PSMG2: variants seen among roughly 807,000 people sequenced by gnomAD.
PSMG2 encodes the protein CD40 ligand-activated specific transcript 3.
In PSMG2, 21 loss-of-function variants were observed where a neutral mutation model predicts 31.5. That is an observed-to-expected ratio of 0.67 (90% CI 0.47 to 0.96). The LOEUF (loss-of-function observed/expected upper bound fraction) is 0.96. Ranked by LOEUF, PSMG2 falls within the 40% of genes least tolerant of loss-of-function variation. The pLI, the probability that PSMG2 is intolerant of heterozygous loss-of-function variation, is 0.00. For missense variants in PSMG2, 318 were observed against 321.2 expected (o/e 0.99, Z 0.08); for synonymous variants, 120 against 110.4 (o/e 1.09, Z -0.54).
chr18:12,721,220 G>A (rs2040428384), intron 5 of PSMG2, among the ~76,000 whole-genome samples: 1 of 152,102 alleles, frequency 6.6e-6, no homozygotes, highest in African/African-American at 2.4e-5. Context: ...TGGTACTATT[G>A]TAGAGCTCTT....
At chr18:12,700,869 GA>G, upstream of PSMG2, 1 of 1,071,868 alleles carries the variant, frequency 9.3e-7, no homozygotes, top group Admixed American at 2.6e-5. Flanking sequence ...TTACTAAAAC[GA>G]AAGGCCCCAC....
intron 1 of PSMG2, among the ~76,000 whole-genome samples, chr18:12,696,887 A>G (rs1598661013): frequency 1.3e-5 from 2 of 152,296 alleles, no homozygotes; most frequent in East Asian, 3.9e-4. Context: ...CTGGACACAC[A>G]TAAGTTTGTA....
intron 1 of PSMG2, among the ~76,000 whole-genome samples, chr18:12,694,416 G>A (rs2039876558): frequency 6.6e-6 from 1 of 152,064 alleles, no homozygotes; most frequent in Non-Finnish European, 1.5e-5. Context: ...CCAAACTAAA[G>A]ACTGGCAAGA....
At chr18:12,684,024 T>C (rs1243876126) in intron 1 of PSMG2, among the ~76,000 whole-genome samples, 1 of 150,606 alleles carries the variant, frequency 6.6e-6, no homozygotes, top group African/African-American at 2.4e-5. Context: ...TGATATCATA[T>C]ATATATGTAT....
At chr18:12,704,661 C>T (rs998138714) in intron 1 of PSMG2, among the ~76,000 whole-genome samples, 1 of 152,114 alleles carries the variant, frequency 6.6e-6, no homozygotes, top group Non-Finnish European at 1.5e-5. Flanking sequence ...ATTTTTGCTA[C>T]ATAGAGAAAC....
At chr18:12,703,010 C>G (rs1025448247), upstream of PSMG2, 18 of 1,382,898 alleles carry the variant, frequency 1.3e-5, no homozygotes, top group African/African-American at 2.2e-4. Flanking sequence ...GACCCTCCCG[C>G]GCCCCGCGAG....
intron 1 of PSMG2, chr18:12,691,214 GAAT>G (rs1436283611): frequency 1.7e-4 from 92 of 536,946 alleles, no homozygotes; most frequent in African/African-American, 1.4e-3. Context: ...CAGTGAAAGA[GAAT>G]ATTACAAAAT....
At chr18:12,687,461 T>TG (rs2039579961) in intron 1 of PSMG2, among the ~76,000 whole-genome samples, 1 of 151,450 alleles carries the variant, frequency 6.6e-6, no homozygotes, top group Non-Finnish European at 1.5e-5. Context: ...TCAATTTTTT[T>TG]TTTTTTTTTT....
At chr18:12,690,619 C>A (rs759282604) in intron 1 of PSMG2, among the ~76,000 whole-genome samples, 96 of 152,192 alleles carry the variant, frequency 6.3e-4, no homozygotes, top group Non-Finnish European at 1.2e-3. Flanking sequence ...TCACGCCCGG[C>A]TAATTTTTTG....
chr18:12,705,566 A>AGTGTGTGTGT (rs1380856845), intron 1 of PSMG2, among the ~76,000 whole-genome samples: 22 of 128,552 alleles, frequency 1.7e-4, no homozygotes, highest in South Asian at 5.6e-4. Context: ...AGAGAGAGAG[A>AGTGTGTGTGT]GAGAGAGAGA....
In PSMG2 at chr18:12,706,614, T is replaced by C; in HGVS notation, c.122T>C (p.Met41Thr). ...AMDLIISTLN[M>T]SKIGYFYTDC... Reference sequence around the variant, plus strand: ...GATCTGATTATTTCTACACTGAATATGTCTAAGATTGGTTACTTCTATACC... The same window carrying C: ...GATCTGATTATTTCTACACTGAATACGTCTAAGATTGGTTACTTCTATACC... The change falls in exon 2 of 7, where the codon ATG (methionine) becomes ACG (threonine). Residue 41 changes from methionine to threonine, a missense_variant. Physicochemically the swap from Met to Thr is moderately conservative, Grantham distance 81. Transcript: ENST00000317615. The C allele has an allele frequency of 6.2e-7, 1 of 1,614,166 alleles. No individual in the cohort carries two copies. Among genetic ancestry groups the C allele is most frequent in the Non-Finnish European group, 8.5e-7 (1 of 1,179,998 alleles).
chr18:12,696,772 C>G (rs990718103), intron 1 of PSMG2, among the ~76,000 whole-genome samples: 1 of 152,156 alleles, frequency 6.6e-6, no homozygotes, highest in African/African-American at 2.4e-5. Flanking sequence ...ATTATTTCCT[C>G]TTCCGAGTCT....
At chr18:12,699,148 A>G, upstream of PSMG2, 1 of 1,614,152 alleles carries the variant, frequency 6.2e-7, no homozygotes, top group South Asian at 1.1e-5. Context: ...GTTCCAAGAA[A>G]GCTTTTCCAC....
At chr18:12,714,702 C>G (rs886433142) in intron 3 of PSMG2, among the ~76,000 whole-genome samples, 1 of 151,566 alleles carries the variant, frequency 6.6e-6, no homozygotes, top group African/African-American at 2.4e-5. Context: ...GCCATGTTGC[C>G]CAGGCTGGTC....
upstream of PSMG2, among the ~76,000 whole-genome samples, chr18:12,698,619 G>A (rs953486946): frequency 2.6e-5 from 4 of 152,114 alleles, no homozygotes; most frequent in South Asian, 4.1e-4. Flanking sequence ...ACTTTTAAAA[G>A]TTACATAACA....
chr18:12,672,008 C>T (rs545633794), intron 1 of PSMG2, among the ~76,000 whole-genome samples: 6 of 151,374 alleles, frequency 4.0e-5, no homozygotes, highest in South Asian at 2.1e-4. Flanking sequence ...TTAGTAGAGA[C>T]AGGGTTTCAC....
chr18:12,679,955 C>T (rs779123835), intron 1 of PSMG2, among the ~76,000 whole-genome samples: 3 of 151,424 alleles, frequency 2.0e-5, no homozygotes, highest in Non-Finnish European at 4.4e-5. Context: ...ACGCAAGAGG[C>T]TGAGGTAGGA....
At chr18:12,682,132 TTTGAG>T (rs2039372546) in intron 1 of PSMG2, among the ~76,000 whole-genome samples, 1 of 152,174 alleles carries the variant, frequency 6.6e-6, no homozygotes, top group Non-Finnish European at 1.5e-5. Context: ...AAAATAACTA[TTTGAG>T]TTGAGTGTCC....
In PSMG2 at chr18:12,681,026, C is replaced by G. The variant is rs533587641; in HGVS notation, c.-37+22253C>G. 4.1e-4 allele frequency among the ~76,000 whole-genome samples: 62 copies of G among 152,168 alleles called. 2 individuals carry two copies. The East Asian group carries it at 0.012, about 29-fold the overall frequency. Reference sequence around the variant, plus strand: ...CCAGCCTGGCCAACATAAGGAAACTCTGTCTCTACTAAAAATACAAAAATT... The same window carrying G: ...CCAGCCTGGCCAACATAAGGAAACTGTGTCTCTACTAAAAATACAAAAATT... On this transcript the variant is annotated intron_variant, in intron 1 of 6. Coordinates refer to the PSMG2 transcript ENST00000585331.
Sources: gnomAD v4.1 joint callset for allele counts (sites outside exome capture counted in the v4.1 genomes callset) on GRCh38, gnomAD v4.1.1 for gene constraint, MANE v1.5 for transcripts, NCBI Gene and HGNC (gene_info 2026-07-23, HGNC 2026-07-21) for gene names.